ERC2: variants seen among roughly 807,000 people sequenced by gnomAD.
ERC2 encodes ERC protein 2.
A neutral mutation model predicts 114.8 loss-of-function variants in ERC2; 42 were observed. The ratio of observed to expected loss-of-function variants is 0.37; its 90% CI spans 0.29 to 0.47. The LOEUF (loss-of-function observed/expected upper bound fraction) is 0.47. Ranked by LOEUF, ERC2 falls within the 20% of genes least tolerant of loss-of-function variation. The pLI is 0.99. For synonymous variants in ERC2, 454 were observed against 425.5 expected (o/e 1.07, Z -0.82); for missense variants, 939 against 1,150.7 (o/e 0.82, Z 2.66).
chr3:55,920,446 A>ACCC (rs1553734038), intron 13 of ERC2, among the ~76,000 whole-genome samples: 1 of 145,444 alleles, frequency 6.9e-6, no homozygotes, highest in African/African-American at 2.6e-5. Flanking sequence ...ACACACACAC[A>ACCC]CCCCAAGTGA....
chr3:55,675,899 CTTTCTTTTTTTTTTTTTTTTT>C (rs2061774703), intron 17 of ERC2, among the ~76,000 whole-genome samples: 2 of 58,122 alleles, frequency 3.4e-5, no homozygotes, highest in African/African-American at 1.4e-4. Flanking sequence ...TTTCTCTTTT[CTTTCTTTTTTTTTTTTTTTTT>C]TTTTTTTTTT....
intron 12 of ERC2, among the ~76,000 whole-genome samples, chr3:55,961,362 C>T (rs2068348814): frequency 6.6e-6 from 1 of 152,088 alleles, no homozygotes; most frequent in South Asian, 2.1e-4. Context: ...TTTTTTCACC[C>T]CAGTATAAGC....
At position 55,688,952 on chromosome 3, in the gene ERC2, C is replaced by G. The variant is rs1030917261; in HGVS notation, c.2848-5093G>C. On this transcript the variant is annotated intron_variant, in intron 16 of 17. Transcript: ENST00000288221. The stretch of plus-strand genomic sequence containing the variant: ...ATGACTCTTCCCCTCTTCTATCGCA[C>G]GAGCCACATCTCTGGTTTATTCTTC... Among the ~76,000 whole-genome samples, 5 of 152,274 alleles carry G rather than the reference C, an allele frequency of 3.3e-5. No homozygotes were observed. In the East Asian group the frequency reaches 9.7e-4, roughly 29 times the overall value.
intron 11 of ERC2, among the ~76,000 whole-genome samples, chr3:55,988,279 A>T (rs2070787404): frequency 6.6e-6 from 1 of 152,206 alleles, no homozygotes; most frequent in Non-Finnish European, 1.5e-5. Flanking sequence ...ACTCTCAGAG[A>T]CTTGCTCAAG....
At chr3:55,982,490 T>C (rs761913982) in intron 12 of ERC2, among the ~76,000 whole-genome samples, 1 of 152,084 alleles carries the variant, frequency 6.6e-6, no homozygotes, top group Non-Finnish European at 1.5e-5. Context: ...AAAAAGTAAT[T>C]AATTCAGTGC....
intron 14 of ERC2, among the ~76,000 whole-genome samples, chr3:55,851,742 C>G (rs1327391068): frequency 6.6e-6 from 1 of 150,510 alleles, no homozygotes; most frequent in African/African-American, 2.5e-5. Context: ...TTGACCACAA[C>G]AAAACTGCAT....
chr3:55,828,410 G>C (rs1356686008), intron 14 of ERC2, among the ~76,000 whole-genome samples: 2 of 150,104 alleles, frequency 1.3e-5, no homozygotes, highest in Non-Finnish European at 2.9e-5. Flanking sequence ...TCCCTATTTT[G>C]TTCTTCCTTT....
chr3:55,626,668 C>T (rs770694869), intron 17 of ERC2, among the ~76,000 whole-genome samples: 1 of 152,204 alleles, frequency 6.6e-6, no homozygotes, highest in Admixed American at 6.5e-5. Context: ...TCTAACCAGA[C>T]ACATGGTACA....
intron 2 of ERC2, among the ~76,000 whole-genome samples, chr3:56,321,635 T>C (rs763833017): frequency 2.0e-5 from 3 of 152,236 alleles, no homozygotes. Context: ...TGTTGGACTG[T>C]CTCTGATTAT....
intron 2 of ERC2, among the ~76,000 whole-genome samples, chr3:56,352,601 A>G (rs558275914): frequency 6.6e-6 from 1 of 152,330 alleles, no homozygotes; most frequent in South Asian, 2.1e-4. Context: ...TATTACCACA[A>G]ATCTAGCAGT....
At chr3:55,985,301 G>A (rs1373464193) in intron 12 of ERC2, among the ~76,000 whole-genome samples, 1 of 152,052 alleles carries the variant, frequency 6.6e-6, no homozygotes, top group East Asian at 1.9e-4. Context: ...TTAATATTGG[G>A]GTACACACAG....
intron 3 of ERC2, among the ~76,000 whole-genome samples, chr3:56,255,971 G>T (rs893441230): frequency 1.3e-5 from 2 of 152,206 alleles, no homozygotes; most frequent in Non-Finnish European, 2.9e-5. Flanking sequence ...GCTCATTACA[G>T]CTTGAGACAC....
chr3:56,018,262 A>G (rs1469617657), intron 8 of ERC2, among the ~76,000 whole-genome samples: 2 of 152,204 alleles, frequency 1.3e-5, no homozygotes, highest in Non-Finnish European at 2.9e-5. Flanking sequence ...TAATTTGTCC[A>G]AAGTAGAAAG....
At chr3:55,582,131 C>T (rs2057294538) in intron 17 of ERC2, among the ~76,000 whole-genome samples, 1 of 152,128 alleles carries the variant, frequency 6.6e-6, no homozygotes, top group Admixed American at 6.6e-5. Flanking sequence ...ACAACATGTC[C>T]CATAGGAAGC....
intron 14 of ERC2, among the ~76,000 whole-genome samples, chr3:55,802,564 G>A (rs72877123): frequency 6.6e-6 from 1 of 152,128 alleles, no homozygotes; most frequent in Non-Finnish European, 1.5e-5. Context: ...TTTTTAAATG[G>A]TAGACAACTC....
chr3:56,330,906 T>C (rs2057580124), intron 2 of ERC2, among the ~76,000 whole-genome samples: 1 of 152,190 alleles, frequency 6.6e-6, no homozygotes, highest in Non-Finnish European at 1.5e-5. Flanking sequence ...GCAGGACTTA[T>C]GAGGGAGGTA....
rs372158916 is a variant in ERC2 at position 56,039,157 on chromosome 3, C to T, written c.1642-20126G>A. Among the ~76,000 whole-genome samples, 18 of 152,246 alleles carry T rather than the reference C, an allele frequency of 1.2e-4. No individual in the cohort carries two copies. In the East Asian group the frequency reaches 3.1e-3, roughly 26 times the overall value. ...TAGATTGATAGGTGTAGCAAACTAC[C>T]ATGGCACATGTTTACCTATGAAACA... On this transcript the variant is annotated intron_variant, in intron 7 of 17. Coordinates refer to ENST00000288221, the MANE Select transcript of ERC2 (RefSeq NM_015576.3).
rs2073516962 is a variant in ERC2 at position 56,018,963 on chromosome 3, C to T, written c.1710G>A (p.Lys570=). The T allele has an allele frequency of 6.2e-7, 1 of 1,613,310 alleles. No homozygotes were observed. The change falls in exon 8 of 18, where the codon AAG becomes AAA. Residue 570 remains lysine, a synonymous_variant. Coordinates refer to ENST00000288221, the MANE Select transcript of ERC2 (RefSeq NM_015576.3). ...KQLTNLKDRV[K]SLQTDSSNTD... is the part of the protein sequence containing the mutation. ...TATTACTGGAATCCGTCTGCAAGGA[C>T]TTCACTCTGTCTTTCAGGTTGGTCA...
intron 14 of ERC2, among the ~76,000 whole-genome samples, chr3:55,782,872 A>T (rs553825723): frequency 6.6e-6 from 1 of 152,348 alleles, no homozygotes; most frequent in South Asian, 2.1e-4. Flanking sequence ...TCAAATTAGT[A>T]TTTGACAAAT....
Sources: allele counts gnomAD v4.1 joint callset (sites outside exome capture counted in the v4.1 genomes callset), GRCh38; gene constraint gnomAD v4.1.1; transcripts MANE v1.5; gene names NCBI Gene and HGNC (gene_info 2026-07-23, HGNC 2026-07-21).